The following SCN7A variants were observed in gnomAD, a reference collection of about 807,000 sequenced individuals.
SCN7A encodes sodium voltage-gated channel alpha subunit 7.
A neutral mutation model predicts 155.2 loss-of-function variants in SCN7A; 138 were observed. The ratio of observed to expected loss-of-function variants is 0.89; its 90% CI spans 0.77 to 1.02. The LOEUF is 1.02. Ranked by LOEUF, SCN7A falls within the 50% of genes least tolerant of loss-of-function variation. SCN7A has a pLI of 0.00. For synonymous variants in SCN7A, 693 were observed against 649.0 expected, an observed-to-expected ratio of 1.07 and a Z score of -1.03; for missense variants, 2,058 against 1,986.6, an observed-to-expected ratio of 1.04 and a Z score of -0.68.
intron 14 of SCN7A, among the ~76,000 whole-genome samples, chr2:166,443,032 C>T (rs1366721626): frequency 1.3e-5 from 2 of 152,126 alleles, no homozygotes; most frequent in African/African-American, 4.8e-5. Flanking sequence ...TAACGTTATT[C>T]CCTTGTTTAA....
chr2:166,405,534 A>G lies in SCN7A; in HGVS notation c.*46T>C, dbSNP rs1008175226. 2.2e-6 allele frequency: 3 copies of G among 1,374,050 alleles called. No individual in the cohort carries two copies. Among genetic ancestry groups the G allele is most frequent in the East Asian group, 2.3e-5 (1 of 43,170 alleles). The allele number at this position is 1,374,050 out of a possible 1,614,324, so 85.1% of individuals were successfully genotyped here. A position where few individuals can be genotyped will look rare whatever the true frequency, so the allele number is the denominator to read the frequency against. ...TTTATTCCTGGCTTAGGCTTTCAAC[A>G]TTTTTCAGATATGTGAAGAAATATG... On this transcript the variant is annotated 3_prime_UTR_variant, in exon 26 of 26. Transcript: ENST00000643258.
rs1553520565 is a variant in SCN7A at position 166,475,123 on chromosome 2, T to TATATAC, written c.235-780_235-779insGTATAT. Among the ~76,000 whole-genome samples, 8 of 121,814 alleles carry TATATAC rather than the reference T, an allele frequency of 6.6e-5. No homozygotes were observed. In the East Asian group the frequency reaches 1.8e-3, roughly 28 times the overall value. The allele number at this position is 121,814 out of a possible 152,430, so 79.9% of individuals were successfully genotyped here. ...ATATATGTATATATATATATATACA[T>TATATAC]ATATATATATATATACACACACACA... On this transcript the variant is annotated intron_variant, in intron 3 of 25. Transcript: ENST00000643258.
At chr2:166,466,535 A>G (rs932691216) in intron 7 of SCN7A, among the ~76,000 whole-genome samples, 6 of 152,112 alleles carry the variant, frequency 3.9e-5, no homozygotes, top group Admixed American at 3.9e-4. Context: ...TTATTTAAGG[A>G]TATTCATTTT....
At chr2:166,472,555 G>A in intron 5 of SCN7A, 110 bp from the exon 6 acceptor site, 1 of 887,962 alleles carries the variant, frequency 1.1e-6, no homozygotes, top group South Asian at 1.8e-5. Context: ...TCATCAGGAA[G>A]GTGAGACCAG....
At chr2:166,484,125 T>C (rs983583975) in intron 2 of SCN7A, among the ~76,000 whole-genome samples, 2 of 152,010 alleles carry the variant, frequency 1.3e-5, no homozygotes, top group Non-Finnish European at 2.9e-5. Context: ...ACTTTGTACA[T>C]AGATAATGGG....
chr2:166,489,120 T>C (rs1683016620), intron 1 of SCN7A, among the ~76,000 whole-genome samples: 1 of 152,194 alleles, frequency 6.6e-6, no homozygotes. Context: ...TTCTAGTATA[T>C]TGCTATCATG....
intron 2 of SCN7A, among the ~76,000 whole-genome samples, chr2:166,477,987 TA>T (rs748954612): frequency 2.0e-5 from 3 of 152,058 alleles, no homozygotes; most frequent in East Asian, 1.9e-4. Flanking sequence ...ATAAAAGAGA[TA>T]TTTTTTAGAA....
chr2:166,440,422 G>C (rs1184989723), intron 15 of SCN7A, among the ~76,000 whole-genome samples: 1 of 152,040 alleles, frequency 6.6e-6, no homozygotes, highest in African/African-American at 2.4e-5. Flanking sequence ...CTGGGATTGG[G>C]GTCTGGGAGT....
At chr2:166,418,486 C>G (rs1701439804) in intron 20 of SCN7A, among the ~76,000 whole-genome samples, 1 of 151,282 alleles carries the variant, frequency 6.6e-6, no homozygotes, top group African/African-American at 2.4e-5. Context: ...CACTTTCTTC[C>G]TGAGGCACCA....
rs1352494162 is a variant in SCN7A, at chr2:166,409,783, T to G, written c.3864A>C (p.Ser1288=). ...CCATAGTATATAGCATAACAAAAAT[T>G]GAGTTAATCCAGTAGAGAGCAATGG... ...QMSIALYWIN[S]IFVMLYTMEC... The change falls in exon 25 of 26, where the codon TCA becomes TCC. Residue 1288 remains serine (S), a synonymous_variant. Transcript: ENST00000643258. 1 of 1,569,592 alleles carries G rather than the reference T, an allele frequency of 6.4e-7. No homozygotes were observed.
intron 15 of SCN7A, among the ~76,000 whole-genome samples, chr2:166,435,266 G>A (rs1338348372): frequency 2.6e-5 from 4 of 151,916 alleles, no homozygotes; most frequent in Admixed American, 6.6e-5. Flanking sequence ...TGTAAGTGGC[G>A]CAAGTTACAG....
chr2:166,414,118 T>C (rs1364855382), intron 21 of SCN7A, among the ~76,000 whole-genome samples: 1 of 86,972 alleles, frequency 1.1e-5, no homozygotes, highest in Non-Finnish European at 2.0e-5. Flanking sequence ...TATAAATATA[T>C]ATAATATATT....
Position 166,432,546 on chromosome 2 carries a change from T to G in SCN7A, c.2364A>C (p.Glu788Asp), listed in dbSNP as rs1321744357. The G allele has an allele frequency of 9.9e-6, 16 of 1,613,536 alleles. No individual in the cohort carries two copies. Among genetic ancestry groups the G allele is most frequent in the Non-Finnish European group, 1.4e-5 (16 of 1,179,608 alleles). The change falls in exon 16 of 26, where the codon GAA (glutamate) becomes GAC (aspartate). Residue 788 changes from glutamate (E) to aspartate (D), a missense_variant. Transcript: ENST00000643258. The part of the protein sequence containing the change: ...MDHVNEVYVK[E>D]DISDHTLSEL... ...CAGAAAGGGTATGGTCAGAAATATCTTCTTTAACATATACCTCATTTACAT... is the reference window on the plus strand; with the variant it reads ...CAGAAAGGGTATGGTCAGAAATATCGTCTTTAACATATACCTCATTTACAT...
intron 16 of SCN7A, among the ~76,000 whole-genome samples, 154 bp from the exon 17 acceptor site, chr2:166,429,428 TA>T (rs1379313444): frequency 1.3e-5 from 2 of 152,082 alleles, no homozygotes; most frequent in African/African-American, 4.8e-5. Context: ...TGACTGAGAT[TA>T]AAATGCGTAC....
intron 2 of SCN7A, among the ~76,000 whole-genome samples, chr2:166,483,796 T>C (rs914796015): frequency 1.3e-5 from 2 of 151,896 alleles, no homozygotes; most frequent in African/African-American, 2.4e-5. Flanking sequence ...GTTTACACTT[T>C]ATCCTAGCAA....
rs553773037 is a variant in SCN7A, at chr2:166,414,263, TACACACACATATATATATATATAC to T, written c.3415-1166_3415-1143del. On this transcript the variant is annotated intron_variant, in intron 21 of 25. Coordinates refer to ENST00000643258, the MANE Select transcript of SCN7A (RefSeq NM_002976.4). ...ATATGTAAATATATATAGATATATA[TACACACACATATATATATATATAC>T]ACACACATATATATATATATATATA... is the stretch of plus-strand genomic sequence containing the variant. Among the ~76,000 whole-genome samples, 28 of 75,034 alleles carry T rather than the reference TACACACACATATATATATATATAC, an allele frequency of 3.7e-4. 1 individual carries two copies. Among genetic ancestry groups the T allele is most frequent in the African/African-American group, 6.7e-4 (12 of 17,894 alleles). The allele number at this position is 75,034 out of a possible 152,430, so 49.2% of individuals were successfully genotyped here. A position where few individuals can be genotyped will look rare whatever the true frequency, so the allele number is the denominator to read the frequency against.
intron 2 of SCN7A, among the ~76,000 whole-genome samples, chr2:166,485,631 T>C (rs1391129061): frequency 5.9e-5 from 9 of 152,044 alleles, no homozygotes. Context: ...TTTCTAGGAA[T>C]AAAAAGTAAA....
intron 14 of SCN7A, 40 bp downstream of exon 14, chr2:166,443,463 A>T (rs932260203): frequency 2.2e-5 from 34 of 1,525,246 alleles, no homozygotes; most frequent in Non-Finnish European, 3.0e-5. Flanking sequence ...ACTGAGATAA[A>T]CTTTGATCAA....
intron 5 of SCN7A, among the ~76,000 whole-genome samples, chr2:166,473,209 C>T (rs73027647): frequency 0.11 from 16,408 of 151,464 alleles, 1,201 homozygotes; most frequent in African/African-American, 0.19. Flanking sequence ...TTCAATAAAT[C>T]CTAGCTGAGA....
Sources: allele counts gnomAD v4.1 joint callset (sites outside exome capture counted in the v4.1 genomes callset), GRCh38; gene constraint gnomAD v4.1.1; transcripts MANE v1.5; gene names NCBI Gene and HGNC (gene_info 2026-07-23, HGNC 2026-07-21).